Variants in DDX43 observed in about 807,000 individuals in gnomAD.
The protein encoded by DDX43 is probable ATP-dependent RNA helicase DDX43.
DDX43 carries 50 observed loss-of-function variants against 84.9 expected under a neutral mutation model. The ratio of observed to expected loss-of-function variants is 0.59; its 90% CI spans 0.47 to 0.75. The LOEUF is 0.75. Ranked by LOEUF, DDX43 falls within the 30% of genes least tolerant of loss-of-function variation. DDX43 has a pLI of 0.00. For missense variants in DDX43, 689 were observed against 798.6 expected, an observed-to-expected ratio of 0.86 and a Z score of 1.65; for synonymous variants, 291 against 266.3, an observed-to-expected ratio of 1.09 and a Z score of -0.90.
chr6:73,397,782 C>A, intron 2 of DDX43, 38 bp downstream of exon 2: 2 of 1,568,274 alleles, frequency 1.3e-6, no homozygotes, highest in Non-Finnish European at 1.8e-6. Context: ...AAGAGAGCAT[C>A]ATGCATTTCT....
intron 2 of DDX43, among the ~76,000 whole-genome samples, chr6:73,399,869 T>G (rs916496721): frequency 6.6e-6 from 1 of 152,172 alleles, no homozygotes; most frequent in Non-Finnish European, 1.5e-5. Flanking sequence ...TTCTGTAAAA[T>G]TAGCGAAACA....
At chr6:73,399,754 T>C (rs550009105) in intron 2 of DDX43, among the ~76,000 whole-genome samples, 189 of 152,304 alleles carry the variant, frequency 1.2e-3, no homozygotes, top group Non-Finnish European at 2.5e-3. Context: ...ACAGTATACA[T>C]GAGTTAAGGA....
chr6:73,395,118 T>C lies in DDX43; in HGVS notation c.213T>C (p.Cys71=). The C allele has an allele frequency of 6.2e-7, 1 of 1,613,984 alleles. No homozygotes were observed. The highest frequency in any genetic ancestry group is 1.7e-5 in the Admixed American group (1 of 60,018). ...CTGGTCACGAGGAACTGCCGCTGTG[T>C]TTTGCTTTGAAGAGCCACTTTGTTG... The part of the protein sequence containing the change: ...VAAGHEELPL[C]FALKSHFVGA... The change falls in exon 1 of 17, where the codon TGT becomes TGC. Residue 71 remains cysteine (C), a synonymous_variant. Transcript: ENST00000370336.
At chr6:73,401,216 C>T (rs560991142) in intron 3 of DDX43, among the ~76,000 whole-genome samples, 4 of 152,192 alleles carry the variant, frequency 2.6e-5, no homozygotes, top group South Asian at 2.1e-4. Flanking sequence ...TGAATTCAAG[C>T]GATCCTCCAC....
chr6:73,405,075 C>T (rs1769645465), intron 5 of DDX43, among the ~76,000 whole-genome samples: 1 of 146,674 alleles, frequency 6.8e-6, no homozygotes, highest in Non-Finnish European at 1.5e-5. Flanking sequence ...CTATATTGGA[C>T]AGCAATTTTA....
Position 73,404,712 on chromosome 6 carries a change from C to T in DDX43, c.591C>T (p.Asn197=). Residue 197 remains asparagine, a synonymous_variant, in exon 5 of 17, where the codon AAC becomes AAT. Coordinates refer to ENST00000370336, the MANE Select transcript of DDX43 (RefSeq NM_018665.3). ...CAGATTTACCACCAATTAAGAAAAA[C>T]TTTTATAAAGAGTCCACTGCCACAA... ...KWADLPPIKK[N]FYKESTATSA... 5.0e-6 allele frequency: 8 copies of T among 1,612,022 alleles called. No homozygotes were observed. Among genetic ancestry groups the T allele is most frequent in the Non-Finnish European group, 6.8e-6 (8 of 1,179,488 alleles).
intron 10 of DDX43, among the ~76,000 whole-genome samples, chr6:73,410,249 C>A (rs1769758318): frequency 6.6e-6 from 1 of 152,152 alleles, no homozygotes; most frequent in Non-Finnish European, 1.5e-5. Context: ...TAACTGCAAC[C>A]TCTGCCTCCC....
chr6:73,402,990 A>G (rs1037646762), intron 4 of DDX43, among the ~76,000 whole-genome samples: 1 of 152,254 alleles, frequency 6.6e-6, no homozygotes, highest in Admixed American at 6.5e-5. Flanking sequence ...GCAATACAAC[A>G]TCTTTTATTT....
chr6:73,399,858 A>C (rs2150789510), intron 2 of DDX43, among the ~76,000 whole-genome samples: 1 of 152,328 alleles, frequency 6.6e-6, no homozygotes, highest in Middle Eastern at 3.4e-3. Flanking sequence ...CAGCCCTACA[A>C]TTCTGTAAAA....
At chr6:73,400,410 A>G (rs1254687237) in intron 3 of DDX43, 47 bp downstream of exon 3, 24 of 1,534,058 alleles carry the variant, frequency 1.6e-5, no homozygotes, top group Non-Finnish European at 2.1e-5. Context: ...TTTTAATTTC[A>G]TTCAGTGTTA....
At position 73,414,094 on chromosome 6, in the gene DDX43, T is replaced by C. The variant is rs745576366; in HGVS notation, c.1606+15T>C. On this transcript the variant is annotated intron_variant, in intron 13 of 16. Coordinates refer to ENST00000370336, the MANE Select transcript of DDX43 (RefSeq NM_018665.3). ...CTTTAAAACAGGTATGTTTATGTAA[T>C]TAGTATTTCATACAGTTTAAAATTA... is the stretch of plus-strand genomic sequence containing the variant. The C allele has an allele frequency of 6.7e-7, 1 of 1,482,668 alleles. No homozygotes were observed. Among genetic ancestry groups the C allele is most frequent in the African/African-American group, 1.4e-5 (1 of 72,096 alleles). 91.8% of individuals were successfully genotyped at this position (1,482,668 alleles called of 1,614,324 possible).
chr6:73,404,418 C>T (rs370188056), intron 4 of DDX43, among the ~76,000 whole-genome samples: 1 of 151,914 alleles, frequency 6.6e-6, no homozygotes, highest in South Asian at 2.1e-4. Context: ...AAAAATTTTC[C>T]GTAGAGACAG....
At position 73,407,601 on chromosome 6, in the gene DDX43, T is replaced by C; in HGVS notation, c.1023T>C (p.Tyr341=). The C allele has an allele frequency of 6.2e-7, 1 of 1,611,194 alleles. No individual in the cohort carries two copies. Among genetic ancestry groups the C allele is most frequent in the Non-Finnish European group, 8.5e-7 (1 of 1,177,540 alleles). The stretch of plus-strand genomic sequence containing the variant: ...AAGGAGAATGTTGCAAATATTCATA[T>C]AAAGGGCTTCGGAGGTAAGTAATTT... ...QVEGECCKYS[Y]KGLRSVCVYG... is the part of the protein sequence containing the mutation. The change falls in exon 8 of 17, where the codon TAT becomes TAC. Residue 341 remains tyrosine, a synonymous_variant. Coordinates refer to ENST00000370336, the MANE Select transcript of DDX43 (RefSeq NM_018665.3).
chr6:73,416,163 A>G lies in DDX43; in HGVS notation c.1884A>G (p.Gln628=), dbSNP rs1175047602. Residue 628 remains glutamine, a synonymous_variant, in exon 16 of 17, where the codon CAA becomes CAG. Coordinates refer to ENST00000370336, the MANE Select transcript of DDX43 (RefSeq NM_018665.3). ...VSMAERFKAH[Q]QKREMERKME... ...TGGCTGAGAGGTTTAAGGCACATCA[A>G]CAGAAAAGGGAAATGGAAAGAAAAA... 1.9e-6 allele frequency: 3 copies of G among 1,599,316 alleles called. No homozygotes were observed. Among genetic ancestry groups the G allele is most frequent in the African/African-American group, 1.3e-5 (1 of 74,904 alleles).
chr6:73,399,411 C>G (rs1582635066), intron 2 of DDX43, among the ~76,000 whole-genome samples: 1 of 152,166 alleles, frequency 6.6e-6, no homozygotes, highest in South Asian at 2.1e-4. Flanking sequence ...GTACTCCACC[C>G]ACTTCCTGAC....
At chr6:73,399,002 C>T (rs764777977) in intron 2 of DDX43, among the ~76,000 whole-genome samples, 76 of 152,210 alleles carry the variant, frequency 5.0e-4, no homozygotes, top group Non-Finnish European at 1.0e-3. Flanking sequence ...CTGAAGTGCA[C>T]TGGTGTGCTC....
chr6:73,405,618 G>A (rs1041798645), intron 5 of DDX43, 61 bp from the exon 6 acceptor site: 10 of 1,545,826 alleles, frequency 6.5e-6, no homozygotes, highest in Middle Eastern at 1.7e-4. Context: ...ACTGATTTTG[G>A]AGAATGTCTT....
At chr6:73,399,420 A>G (rs750490486) in intron 2 of DDX43, among the ~76,000 whole-genome samples, 10 of 152,028 alleles carry the variant, frequency 6.6e-5, no homozygotes, top group Non-Finnish European at 1.3e-4. Context: ...CCACTTCCTG[A>G]CATACGCTGC....
chr6:73,414,857 C>T (rs1769871206), intron 14 of DDX43, among the ~76,000 whole-genome samples, 171 bp downstream of exon 14: 1 of 152,148 alleles, frequency 6.6e-6, no homozygotes, highest in South Asian at 2.1e-4. Flanking sequence ...GTTCCAGACT[C>T]AACCAGATTC....
Sources: gnomAD v4.1 joint callset for allele counts (sites outside exome capture counted in the v4.1 genomes callset) on GRCh38, gnomAD v4.1.1 for gene constraint, MANE v1.5 for transcripts, NCBI Gene and HGNC (gene_info 2026-07-23, HGNC 2026-07-21) for gene names.